The following DAPL1 variants were observed in gnomAD, a reference collection of about 807,000 sequenced individuals.
The protein encoded by DAPL1 is death-associated protein-like 1.
DAPL1 carries 17 observed loss-of-function variants against 12.9 expected under a neutral mutation model. The observed-to-expected ratio is 1.32, with a 90% CI of 0.90 to 1.98. The LOEUF is 1.98. DAPL1 is among the 30% of genes most tolerant of loss of function. The pLI is 0.00. For missense variants in DAPL1, 157 were observed against 125.7 expected (o/e 1.25, Z -1.19); for synonymous variants, 51 against 42.0 (o/e 1.21, Z -0.82).
chr2:158,801,227 T>C (rs1308038564), intron 1 of DAPL1, among the ~76,000 whole-genome samples: 1 of 152,182 alleles, frequency 6.6e-6, no homozygotes, highest in Non-Finnish European at 1.5e-5. Context: ...TGTGTAGGAA[T>C]AATAGCATCA....
At chr2:158,812,385 T>C (rs6713735) in intron 3 of DAPL1, among the ~76,000 whole-genome samples, 1 of 152,222 alleles carries the variant, frequency 6.6e-6, no homozygotes, top group Non-Finnish European at 1.5e-5. Flanking sequence ...AGAACTTCGG[T>C]TGAATGCCTC....
intron 3 of DAPL1, among the ~76,000 whole-genome samples, chr2:158,812,795 A>AT (rs2059238079): frequency 3.1e-5 from 1 of 32,412 alleles, no homozygotes; most frequent in Non-Finnish European, 1.0e-4. Flanking sequence ...ACCTCAGCTC[A>AT]AAAAAAAAAA....
At position 158,815,884 on chromosome 2, in the gene DAPL1, G is replaced by C. The variant is rs1052053169; in HGVS notation, c.*63G>C. 1 of 1,200,844 alleles carries C rather than the reference G, an allele frequency of 8.3e-7. No homozygotes were observed. The highest frequency in any genetic ancestry group is 1.2e-6 in the Non-Finnish European group (1 of 804,920). The allele number at this position is 1,200,844 out of a possible 1,614,324, so 74.4% of individuals were successfully genotyped here. ...CGAATATCTGACAGCTTAGCAAAAA[G>C]GGCCAAAGCTTTCCATAGGCGTGCT... On this transcript the variant is annotated 3_prime_UTR_variant, in exon 4 of 4. Coordinates refer to ENST00000309950, the MANE Select transcript of DAPL1 (RefSeq NM_001017920.3).
At chr2:158,800,264 T>C (rs1173499962) in intron 1 of DAPL1, among the ~76,000 whole-genome samples, 1 of 152,130 alleles carries the variant, frequency 6.6e-6, no homozygotes, top group East Asian at 1.9e-4. Context: ...ACAAAAGAAC[T>C]TCTTTCCTTT....
intron 3 of DAPL1, among the ~76,000 whole-genome samples, chr2:158,810,491 G>A (rs1327170828): frequency 1.3e-5 from 2 of 152,104 alleles, no homozygotes; most frequent in Non-Finnish European, 2.9e-5. Flanking sequence ...ATTCAACCAT[G>A]GCAGGAAAAT....
intron 1 of DAPL1, among the ~76,000 whole-genome samples, chr2:158,797,884 T>C (rs971413775): frequency 2.6e-5 from 4 of 152,164 alleles, no homozygotes; most frequent in African/African-American, 9.7e-5. Flanking sequence ...TGTATATTAA[T>C]ATAATATATT....
chr2:158,799,739 T>C (rs1266406842), intron 1 of DAPL1, among the ~76,000 whole-genome samples: 1 of 152,158 alleles, frequency 6.6e-6, no homozygotes, highest in African/African-American at 2.4e-5. Context: ...GGAAATCCAA[T>C]GTGTGTTTCC....
chr2:158,809,610 G>A (rs2059220311), intron 3 of DAPL1, among the ~76,000 whole-genome samples: 1 of 152,094 alleles, frequency 6.6e-6, no homozygotes, highest in Non-Finnish European at 1.5e-5. Flanking sequence ...ATGGGAGTGT[G>A]AGTACCAGTA....
At chr2:158,813,711 A>G (rs773558823) in intron 3 of DAPL1, among the ~76,000 whole-genome samples, 2 of 151,536 alleles carry the variant, frequency 1.3e-5, no homozygotes, top group African/African-American at 2.4e-5. Flanking sequence ...GCTCGCCACC[A>G]TGCCCGGCTA....
At chr2:158,810,642 G>A (rs1036336890) in intron 3 of DAPL1, among the ~76,000 whole-genome samples, 4 of 152,084 alleles carry the variant, frequency 2.6e-5, no homozygotes, top group Admixed American at 2.6e-4. Context: ...TACCCCCACA[G>A]TATTTCCCCA....
At chr2:158,812,173 T>C (rs1379557522) in intron 3 of DAPL1, among the ~76,000 whole-genome samples, 2 of 152,250 alleles carry the variant, frequency 1.3e-5, no homozygotes, top group African/African-American at 4.8e-5. Context: ...TGTACACTTG[T>C]AGCTTAACAA....
intron 3 of DAPL1, among the ~76,000 whole-genome samples, chr2:158,808,985 T>C (rs190644342): frequency 1.4e-4 from 21 of 152,244 alleles, no homozygotes; most frequent in Middle Eastern, 3.4e-3. Context: ...AATAATCTCT[T>C]CCCTAAGTAA....
chr2:158,805,595 G>A (rs916836746), intron 2 of DAPL1, among the ~76,000 whole-genome samples: 3 of 136,284 alleles, frequency 2.2e-5, no homozygotes, highest in African/African-American at 7.7e-5. Context: ...TGAGCCAGTG[G>A]CTCAGGAACT....
chr2:158,805,316 A>G (rs993923931), intron 2 of DAPL1, among the ~76,000 whole-genome samples: 3 of 152,192 alleles, frequency 2.0e-5, no homozygotes, highest in Non-Finnish European at 4.4e-5. Flanking sequence ...GATTCGCTCC[A>G]TTAGCAGCAA....
rs1559044276 is a variant in DAPL1, at chr2:158,808,779, G to T, written c.207+1664G>T. ...TTAGGGCAAGGGAATGCTCACAGTT[G>T]TAAGTGGATAGGATAGAATAGACAT... On this transcript the variant is annotated intron_variant, in intron 3 of 3. Coordinates refer to ENST00000309950, the MANE Select transcript of DAPL1 (RefSeq NM_001017920.3). Among the ~76,000 whole-genome samples the T allele has an allele frequency of 2.0e-5, 3 of 152,172 alleles. No homozygotes were observed. In the South Asian group the frequency reaches 6.2e-4, roughly 32 times the overall value.
chr2:158,807,307 A>C (rs1221628998), intron 3 of DAPL1, among the ~76,000 whole-genome samples, 192 bp downstream of exon 3: 3 of 152,208 alleles, frequency 2.0e-5, no homozygotes, highest in Non-Finnish European at 4.4e-5. Flanking sequence ...TCAAATTCCT[A>C]AAGTGTCCAT....
intron 1 of DAPL1, among the ~76,000 whole-genome samples, chr2:158,799,957 G>A (rs955836751): frequency 4.6e-5 from 7 of 151,878 alleles, no homozygotes; most frequent in Non-Finnish European, 8.8e-5. Context: ...CCAGCTACTC[G>A]GGAGGCTGAG....
rs1458380073 is a variant in DAPL1 at position 158,813,717 on chromosome 2, G to A, written c.208-1988G>A. Among the ~76,000 whole-genome samples the A allele has an allele frequency of 6.6e-5, 10 of 151,864 alleles. No individual in the cohort carries two copies. The South Asian group carries it at 1.3e-3, about 19-fold the overall frequency. On this transcript the variant is annotated intron_variant, in intron 3 of 3. Transcript: ENST00000309950. ...ACTACAGTCGCTCGCCACCATGCCC[G>A]GCTAATTTTTCATATTTTTAGTAGA...
Position 158,809,364 on chromosome 2 carries a change from A to AAAAAAAAAAAG in DAPL1, c.207+2253_207+2254insAAAAAAGAAAA, listed in dbSNP as rs1405903241. Among the ~76,000 whole-genome samples the AAAAAAAAAAAG allele has an allele frequency of 1.8e-3, 267 of 151,262 alleles. 9 individuals are homozygous for AAAAAAAAAAAG. Among genetic ancestry groups the AAAAAAAAAAAG allele is most frequent in the African/African-American group, 6.3e-3 (260 of 41,212 alleles). ...CAGAGCGAGACTCCATCTCAAAAAA[A>AAAAAAAAAAAG]AAAAGAAATATTTTTAACAGAAACT... On this transcript the variant is annotated intron_variant, in intron 3 of 3. Transcript: ENST00000309950.
Sources: allele counts gnomAD v4.1 joint callset (sites outside exome capture counted in the v4.1 genomes callset), GRCh38; gene constraint gnomAD v4.1.1; transcripts MANE v1.5; gene names NCBI Gene and HGNC (gene_info 2026-07-23, HGNC 2026-07-21).